Variants in EPSTI1 observed in about 807,000 individuals in gnomAD.
EPSTI1 encodes epithelial-stromal interaction protein 1.
In EPSTI1, 66 loss-of-function variants were observed where a neutral mutation model predicts 49.9. The ratio of observed to expected loss-of-function variants is 1.32; its 90% CI spans 1.08 to 1.62. The LOEUF is 1.62. Among genes scored for constraint, EPSTI1 ranks in the 40% most tolerant of loss-of-function variants. EPSTI1 has a pLI of 0.00. For synonymous variants in EPSTI1, 137 were observed against 130.7 expected, an observed-to-expected ratio of 1.05 and a Z score of -0.33; for missense variants, 394 against 365.5, an observed-to-expected ratio of 1.08 and a Z score of -0.64.
chr13:42,974,299 G>A (rs2039830638), intron 1 of EPSTI1, among the ~76,000 whole-genome samples: 1 of 151,540 alleles, frequency 6.6e-6, no homozygotes, highest in Non-Finnish European at 1.5e-5. Flanking sequence ...TCATGCCACT[G>A]CACTCCAGCC....
chr13:42,953,111 G>C, intron 6 of EPSTI1, among the ~76,000 whole-genome samples: 1 of 152,110 alleles, frequency 6.6e-6, no homozygotes, highest in East Asian at 1.9e-4. Context: ...TAAAATAAAA[G>C]TTATATGATC....
At chr13:42,920,766 C>T (rs2153419701) in intron 7 of EPSTI1, among the ~76,000 whole-genome samples, 1 of 152,232 alleles carries the variant, frequency 6.6e-6, no homozygotes, top group South Asian at 2.1e-4. Context: ...CTATAAAGTC[C>T]TGCATACTGA....
intron 8 of EPSTI1, among the ~76,000 whole-genome samples, chr13:42,916,929 T>C (rs918275062): frequency 6.6e-6 from 1 of 152,206 alleles, no homozygotes; most frequent in African/African-American, 2.4e-5. Flanking sequence ...ACATCAAGTA[T>C]GCCACTGACT....
At chr13:42,940,181 C>A (rs968270530) in intron 6 of EPSTI1, among the ~76,000 whole-genome samples, 10 of 152,180 alleles carry the variant, frequency 6.6e-5, no homozygotes, top group African/African-American at 2.4e-4. Flanking sequence ...CACTTCAGCC[C>A]GAACATACCA....
rs1485803176 is a variant in EPSTI1 at position 42,900,296 on chromosome 13, T to C, written c.815+14A>G. On this transcript the variant is annotated intron_variant, in intron 9 of 10. Coordinates refer to ENST00000313624, the MANE Select transcript of EPSTI1 (RefSeq NM_033255.5). Reference sequence around the variant, plus strand: ...GATTTAACCAAGGATGCTTATTTTATTAGCCAGTTTTACCTCCTGTGTTCA... The same window carrying C: ...GATTTAACCAAGGATGCTTATTTTACTAGCCAGTTTTACCTCCTGTGTTCA... 5 of 1,611,720 alleles carry C rather than the reference T, an allele frequency of 3.1e-6. No homozygotes were observed. Among genetic ancestry groups the C allele is most frequent in the Non-Finnish European group, 4.2e-6 (5 of 1,178,178 alleles).
At chr13:42,990,581 G>T (rs1023408104) in intron 1 of EPSTI1, among the ~76,000 whole-genome samples, 2 of 152,174 alleles carry the variant, frequency 1.3e-5, no homozygotes, top group African/African-American at 2.4e-5. Context: ...TGGGTTACTT[G>T]AAAGTAATTG....
chr13:42,971,411 C>A (rs894104071), intron 1 of EPSTI1, among the ~76,000 whole-genome samples: 1 of 152,180 alleles, frequency 6.6e-6, no homozygotes, highest in Non-Finnish European at 1.5e-5. Flanking sequence ...TGAATTAAAA[C>A]AAAATGATGC....
Position 42,952,295 on chromosome 13 carries a change from T to G in EPSTI1, c.563+1653A>C, listed in dbSNP as rs2039123239. Among the ~76,000 whole-genome samples the G allele has an allele frequency of 2.0e-5, 3 of 152,188 alleles. No individual in the cohort carries two copies. In the South Asian group the frequency reaches 6.2e-4, roughly 32 times the overall value. ...ATAAATCTTGCTGCTGCTCACTCTT[T>G]GGGTCTGTGCCACCTTTAAGAGCTG... On this transcript the variant is annotated intron_variant, in intron 6 of 10. Transcript: ENST00000313624.
rs71202243 is a variant in EPSTI1, at chr13:42,917,642, G to GAAAA, written c.658-22_658-19dup. On this transcript the variant is annotated intron_variant, in intron 7 of 10. Transcript: ENST00000313624. ...CTTCTGGCCTGTAAAGGTACAAAGA[G>GAAAA]AAAAAAAAAAAAAAAAACAACTTGA... 6,759 of 424,058 alleles carry GAAAA rather than the reference G, an allele frequency of 0.016. 98 individuals carry two copies. The highest frequency in any genetic ancestry group is 0.018 in the South Asian group (759 of 41,652). 26.3% of individuals were successfully genotyped at this position (424,058 alleles called of 1,614,324 possible).
At chr13:42,983,075 T>C (rs1015832024) in intron 1 of EPSTI1, among the ~76,000 whole-genome samples, 2 of 152,254 alleles carry the variant, frequency 1.3e-5, no homozygotes, top group African/African-American at 4.8e-5. Context: ...TCCTATGTCC[T>C]ATAAAACTTA....
In EPSTI1 at chr13:42,917,642, GAAAAAA is replaced by G; in HGVS notation, c.658-24_658-19del. 2.1e-5 allele frequency: 9 copies of G among 425,622 alleles called. 1 individual carries two copies. Among genetic ancestry groups the G allele is most frequent in the Admixed American group, 3.7e-5 (1 of 27,254 alleles). The allele number at this position is 425,622 out of a possible 1,614,324, so 26.4% of individuals were successfully genotyped here. A position where few individuals can be genotyped will look rare whatever the true frequency, so the allele number is the denominator to read the frequency against. On this transcript the variant is annotated intron_variant, in intron 7 of 10. Transcript: ENST00000313624. The stretch of plus-strand genomic sequence containing the variant: ...CTTCTGGCCTGTAAAGGTACAAAGA[GAAAAAA>G]AAAAAAAAAAACAACTTGATAGGAT...
intron 10 of EPSTI1, chr13:42,889,311 G>A: frequency 1.1e-6 from 1 of 936,928 alleles, no homozygotes; most frequent in Non-Finnish European, 1.6e-6. Flanking sequence ...TATATGTTAA[G>A]AAATATGAGA....
At chr13:42,935,559 C>A (rs538671642) in intron 6 of EPSTI1, among the ~76,000 whole-genome samples, 2 of 152,128 alleles carry the variant, frequency 1.3e-5, no homozygotes, top group Non-Finnish European at 2.9e-5. Flanking sequence ...CTACCGAATT[C>A]TTCTACTCCA....
At chr13:42,908,976 C>G (rs1465752028) in intron 8 of EPSTI1, among the ~76,000 whole-genome samples, 2 of 151,116 alleles carry the variant, frequency 1.3e-5, no homozygotes, top group African/African-American at 4.9e-5. Flanking sequence ...GCCTGTAATC[C>G]CAGCTACTCA....
chr13:42,921,781 A>G (rs1451868975), intron 7 of EPSTI1, among the ~76,000 whole-genome samples: 1 of 152,168 alleles, frequency 6.6e-6, no homozygotes, highest in African/African-American at 2.4e-5. Context: ...TGTTAAAGGA[A>G]AGTCCCAGAA....
At chr13:42,918,087 T>A (rs2037889114) in intron 7 of EPSTI1, among the ~76,000 whole-genome samples, 1 of 152,220 alleles carries the variant, frequency 6.6e-6, no homozygotes. Context: ...TAGTGGTTGA[T>A]ACCATATAAT....
intron 7 of EPSTI1, among the ~76,000 whole-genome samples, chr13:42,918,256 CACCACACCA>C (rs1164991743): frequency 1.3e-5 from 2 of 152,144 alleles, no homozygotes; most frequent in East Asian, 3.9e-4. Context: ...GTCTCTGACC[CACCACACCA>C]GAGTTCCACA....
intron 5 of EPSTI1, among the ~76,000 whole-genome samples, chr13:42,961,443 C>T (rs1404004508): frequency 6.6e-6 from 1 of 152,148 alleles, no homozygotes; most frequent in Non-Finnish European, 1.5e-5. Context: ...GTGACAGACT[C>T]TAGTCTAGGG....
intron 6 of EPSTI1, among the ~76,000 whole-genome samples, chr13:42,942,655 ATTCTTTTTTTTTTTTTT>A (rs1267037412): frequency 2.7e-5 from 2 of 72,942 alleles, no homozygotes; most frequent in Non-Finnish European, 5.6e-5. Context: ...GATCCTGTTG[ATTCTTTTTTTTTTTTTT>A]TTTTTTTTTT....
Sources: gnomAD v4.1 joint callset for allele counts (sites outside exome capture counted in the v4.1 genomes callset) on GRCh38, gnomAD v4.1.1 for gene constraint, MANE v1.5 for transcripts, NCBI Gene and HGNC (gene_info 2026-07-23, HGNC 2026-07-21) for gene names.